TBC1D19: variants seen among roughly 807,000 people sequenced by gnomAD.
TBC1D19 encodes the protein TBC1 domain family member 19, also known as TBC1 domain family, member 19.
TBC1D19 carries 60 observed loss-of-function variants against 89.0 expected under a neutral mutation model. That is an observed-to-expected ratio of 0.67 (90% confidence interval 0.55 to 0.84). TBC1D19 has a LOEUF of 0.84. TBC1D19 is among the 40% of genes least tolerant of loss of function. The probability of loss-of-function intolerance (pLI) is 0.00; values close to 1 mark genes in which losing one functional copy is unlikely to be tolerated. For missense variants in TBC1D19, 500 were observed against 610.8 expected (o/e 0.82, Z 1.91); for synonymous variants, 189 against 199.7 (o/e 0.95, Z 0.45).
intron 7 of TBC1D19, among the ~76,000 whole-genome samples, chr4:26,654,771 A>G (rs1473671290): frequency 6.6e-6 from 1 of 151,938 alleles, no homozygotes; most frequent in Non-Finnish European, 1.5e-5. Context: ...CTAGTTAGTC[A>G]TTTGTCTAAT....
chr4:26,700,429 CT>C (rs1715223018), intron 13 of TBC1D19, among the ~76,000 whole-genome samples: 1 of 151,932 alleles, frequency 6.6e-6, no homozygotes, highest in African/African-American at 2.4e-5. Flanking sequence ...GTAGTTCTGT[CT>C]TCAAATATCT....
intron 9 of TBC1D19, among the ~76,000 whole-genome samples, chr4:26,669,909 A>G (rs1206261548): frequency 6.6e-6 from 1 of 151,774 alleles, no homozygotes; most frequent in Non-Finnish European, 1.5e-5. Context: ...TCCTTAGTCA[A>G]GGAGGATGAA....
Position 26,666,722 on chromosome 4 carries a change from G to A in TBC1D19, c.664+317G>A, listed in dbSNP as rs148495588. Among the ~76,000 whole-genome samples the A allele has an allele frequency of 2.9e-3, 439 of 151,914 alleles. 3 individuals are homozygous for A. The highest frequency in any genetic ancestry group is 0.01 in the African/African-American group (421 of 41,466). On this transcript the variant is annotated intron_variant, in intron 9 of 20. Coordinates refer to ENST00000264866, the MANE Select transcript of TBC1D19 (RefSeq NM_018317.4). ...GCCATCAGCATCTGTTTTTACTTTT[G>A]TATCACCAAGTTAAGTGAACACTGA...
intron 15 of TBC1D19, among the ~76,000 whole-genome samples, chr4:26,724,095 C>A (rs1717147716): frequency 6.6e-6 from 1 of 152,158 alleles, no homozygotes; most frequent in Non-Finnish European, 1.5e-5. Context: ...GAGTACACAG[C>A]ATGTCTGAAG....
the TBC1D19 span, among the ~76,000 whole-genome samples, chr4:26,844,364 T>A: frequency 6.6e-6 from 1 of 152,206 alleles, no homozygotes; most frequent in Non-Finnish European, 1.5e-5. Context: ...GATCGTCAAA[T>A]AAAATAGCTT....
At chr4:26,821,788 C>G in the TBC1D19 span, among the ~76,000 whole-genome samples, 1 of 152,252 alleles carries the variant, frequency 6.6e-6, no homozygotes, top group Admixed American at 6.5e-5. Flanking sequence ...CTGCTCATCA[C>G]ACACAGGTCA....
In TBC1D19 at chr4:26,590,796, G is replaced by GTTTTTTTTTTTTTTTT. The variant is rs869124166; in HGVS notation, c.99+6520_99+6535dup. Among the ~76,000 whole-genome samples, 417 of 52,890 alleles carry GTTTTTTTTTTTTTTTT rather than the reference G, an allele frequency of 7.9e-3. 45 individuals are homozygous for GTTTTTTTTTTTTTTTT. Among genetic ancestry groups the GTTTTTTTTTTTTTTTT allele is most frequent in the Non-Finnish European group, 0.01 (318 of 31,734 alleles). The allele number at this position is 52,890 out of a possible 152,430, so 34.7% of individuals were successfully genotyped here. ...GGTTCACTCTTTGTCTTGCAGGTCT[G>GTTTTTTTTTTTTTTTT]TTTTTTTTTTTTTTTTTTTTTTTTT... is the stretch of plus-strand genomic sequence containing the variant. On this transcript the variant is annotated intron_variant, in intron 1 of 20. Coordinates refer to ENST00000264866, the MANE Select transcript of TBC1D19 (RefSeq NM_018317.4).
At chr4:26,807,397 C>T in the TBC1D19 span, among the ~76,000 whole-genome samples, 38,186 of 152,148 alleles carry the variant, frequency 0.25, 5,836 homozygotes, top group South Asian at 0.35. Flanking sequence ...GTGTCCCCCA[C>T]GGGCCAGGTG....
At chr4:26,820,505 T>C in the TBC1D19 span, among the ~76,000 whole-genome samples, 1 of 152,206 alleles carries the variant, frequency 6.6e-6, no homozygotes, top group East Asian at 1.9e-4. Context: ...TTCCATCATG[T>C]TGTTGTGAAT....
the TBC1D19 span, among the ~76,000 whole-genome samples, chr4:26,774,541 C>T: frequency 5.3e-5 from 8 of 152,024 alleles, no homozygotes; most frequent in African/African-American, 1.9e-4. Context: ...CAGAATTTTC[C>T]CTGGGTTTCA....
the TBC1D19 span, among the ~76,000 whole-genome samples, chr4:26,772,238 A>G: frequency 2.0e-5 from 3 of 151,344 alleles, no homozygotes; most frequent in Non-Finnish European, 4.4e-5. Flanking sequence ...ATCCTACTAT[A>G]GGCAATTACA....
intron 9 of TBC1D19, among the ~76,000 whole-genome samples, chr4:26,669,832 T>A (rs892332035): frequency 2.6e-5 from 4 of 151,958 alleles, no homozygotes; most frequent in African/African-American, 7.2e-5. Flanking sequence ...TTGAACTGTA[T>A]AAACTACATT....
chr4:26,698,950 T>A (rs955267669), intron 13 of TBC1D19, among the ~76,000 whole-genome samples: 1 of 152,196 alleles, frequency 6.6e-6, no homozygotes, highest in African/African-American at 2.4e-5. Flanking sequence ...GACATAGGCA[T>A]GGGCAAGGAC....
chr4:26,666,265 A>C lies in TBC1D19; in HGVS notation c.592-68A>C, dbSNP rs958239887. On this transcript the variant is annotated intron_variant, in intron 8 of 20. Coordinates refer to ENST00000264866, the MANE Select transcript of TBC1D19 (RefSeq NM_018317.4). ...TTTATTCAAGCTAATGTTAAGGCAAAGGTGATCTTTTAACAATGTGCAGCA... is the reference window on the plus strand; with the variant it reads ...TTTATTCAAGCTAATGTTAAGGCAACGGTGATCTTTTAACAATGTGCAGCA... 38 of 1,275,236 alleles carry C rather than the reference A, an allele frequency of 3.0e-5. 1 individual carries two copies. The highest frequency in any genetic ancestry group is 3.4e-5 in the Admixed American group (2 of 57,976). 79.0% of individuals were successfully genotyped at this position (1,275,236 alleles called of 1,614,324 possible). A position where few individuals can be genotyped will look rare whatever the true frequency, so the allele number is the denominator to read the frequency against.
At chr4:26,651,764 T>C (rs1744404948) in intron 7 of TBC1D19, among the ~76,000 whole-genome samples, 1 of 152,166 alleles carries the variant, frequency 6.6e-6, no homozygotes, top group African/African-American at 2.4e-5. Flanking sequence ...ATAGGAGTGG[T>C]GAGAGAGGGC....
the TBC1D19 span, among the ~76,000 whole-genome samples, chr4:26,811,168 T>C: frequency 1.3e-5 from 2 of 152,234 alleles, no homozygotes; most frequent in East Asian, 1.9e-4. Context: ...TGGAATACTA[T>C]GCAGCCATAA....
intron 7 of TBC1D19, among the ~76,000 whole-genome samples, chr4:26,653,321 G>C (rs966040254): frequency 6.6e-6 from 1 of 152,194 alleles, no homozygotes. Flanking sequence ...GTGCGATGTG[G>C]TGCTGAGAAG....
At chr4:26,783,016 C>T in the TBC1D19 span, among the ~76,000 whole-genome samples, 3 of 152,148 alleles carry the variant, frequency 2.0e-5, no homozygotes, top group Non-Finnish European at 4.4e-5. Flanking sequence ...ACTTATAATC[C>T]TGTACAATCC....
intron 8 of TBC1D19, among the ~76,000 whole-genome samples, chr4:26,664,550 A>G (rs897803136): frequency 1.3e-5 from 2 of 152,202 alleles, no homozygotes; most frequent in Non-Finnish European, 2.9e-5. Context: ...AAATAAATGG[A>G]AAACAATGGT....
Sources: gnomAD v4.1 joint callset for allele counts (sites outside exome capture counted in the v4.1 genomes callset) on GRCh38, gnomAD v4.1.1 for gene constraint, MANE v1.5 for transcripts, NCBI Gene and HGNC (gene_info 2026-07-23, HGNC 2026-07-21) for gene names.